Variants in GRAMD2B observed in about 807,000 individuals in gnomAD.
GRAMD2B encodes the protein GRAM domain containing 2B.
Under a neutral mutation model 59.2 loss-of-function variants are expected in GRAMD2B, and 41 were observed. That is an observed-to-expected ratio of 0.69 (90% CI 0.54 to 0.90). The LOEUF (loss-of-function observed/expected upper bound fraction) is 0.90, where lower values mean the gene tolerates loss of function less well. Ranked by LOEUF, GRAMD2B falls within the 40% of genes least tolerant of loss-of-function variation. GRAMD2B has a pLI of 0.00. For missense variants in GRAMD2B, 424 were observed against 500.5 expected (o/e 0.85, Z 1.46); for synonymous variants, 161 against 182.7 (o/e 0.88, Z 0.96).
At chr5:126,376,664 A>G (rs1472209106) in intron 1 of GRAMD2B, among the ~76,000 whole-genome samples, 1 of 152,164 alleles carries the variant, frequency 6.6e-6, no homozygotes, top group Non-Finnish European at 1.5e-5. Context: ...CAAGACTGCT[A>G]TGTAGAGGCT....
chr5:126,481,015 G>A, intron 8 of GRAMD2B: 4 of 365,826 alleles, frequency 1.1e-5, no homozygotes, highest in Non-Finnish European at 5.0e-6. Flanking sequence ...TGGCTTAGAG[G>A]GATTCACAAA....
At chr5:126,448,902 A>G (rs1230659181) in intron 1 of GRAMD2B, among the ~76,000 whole-genome samples, 1 of 152,218 alleles carries the variant, frequency 6.6e-6, no homozygotes, top group Non-Finnish European at 1.5e-5. Context: ...ACACCTGTCT[A>G]ACACACCTGT....
At chr5:126,381,280 T>A (rs1431508983) in intron 1 of GRAMD2B, among the ~76,000 whole-genome samples, 3 of 152,200 alleles carry the variant, frequency 2.0e-5, no homozygotes, top group Non-Finnish European at 4.4e-5. Flanking sequence ...ATCTTTTTGA[T>A]ATACTATTGG....
At chr5:126,416,938 T>G (rs969610034) in intron 1 of GRAMD2B, among the ~76,000 whole-genome samples, 5 of 152,256 alleles carry the variant, frequency 3.3e-5, no homozygotes, top group Admixed American at 6.5e-5. Context: ...ATGTACTGAC[T>G]TGTTAAATTC....
At chr5:126,373,904 A>AG (rs1161412188) in intron 1 of GRAMD2B, among the ~76,000 whole-genome samples, 2 of 152,190 alleles carry the variant, frequency 1.3e-5, no homozygotes, top group Non-Finnish European at 2.9e-5. Context: ...ACAGATGATA[A>AG]GGGGGGTTAG....
chr5:126,399,243 C>T (rs1757621468), intron 1 of GRAMD2B, among the ~76,000 whole-genome samples: 1 of 152,066 alleles, frequency 6.6e-6, no homozygotes, highest in African/African-American at 2.4e-5. Flanking sequence ...GTCTTTAGAT[C>T]TGTCAATATT....
chr5:126,462,446 AG>A (rs1767551113), intron 1 of GRAMD2B: 2 of 985,234 alleles, frequency 2.0e-6, no homozygotes, highest in Non-Finnish European at 2.4e-6. Context: ...CTCCAAGGTA[AG>A]GGACGCTTGC....
chr5:126,395,688 G>A (rs1321862635), intron 1 of GRAMD2B, among the ~76,000 whole-genome samples: 1 of 152,052 alleles, frequency 6.6e-6, no homozygotes, highest in Non-Finnish European at 1.5e-5. Context: ...AAGAACAAAC[G>A]TCGGGGACTG....
chr5:126,443,978 GGAGGCA>G (rs1763747111), intron 1 of GRAMD2B, among the ~76,000 whole-genome samples: 1 of 152,054 alleles, frequency 6.6e-6, no homozygotes, highest in Non-Finnish European at 1.5e-5. Flanking sequence ...CTTGAACCCA[GGAGGCA>G]GAGGTTGCAG....
At chr5:126,396,631 A>G (rs1757383513) in intron 1 of GRAMD2B, among the ~76,000 whole-genome samples, 1 of 152,204 alleles carries the variant, frequency 6.6e-6, no homozygotes, top group Admixed American at 6.5e-5. Context: ...TAGTGCTGCA[A>G]TGAACATACA....
In GRAMD2B at chr5:126,491,736, C is replaced by T. The variant is rs558387736; in HGVS notation, c.1258-1179C>T. ...GCTCTGAATTCTTTTTTTTTTCCTT[C>T]TTTGTTTTTTTTCCCAAGACAGAGT... On this transcript the variant is annotated intron_variant, in intron 13 of 13. Transcript: ENST00000285689. 1.3e-3 allele frequency among the ~76,000 whole-genome samples: 199 copies of T among 150,640 alleles called. 1 individual carries two copies. In the Middle Eastern group the frequency reaches 0.014, roughly 10 times the overall value.
chr5:126,384,885 T>G (rs915032146), intron 1 of GRAMD2B, among the ~76,000 whole-genome samples: 2 of 152,252 alleles, frequency 1.3e-5, no homozygotes, highest in African/African-American at 4.8e-5. Context: ...GCCTTTTATT[T>G]ATCTTCGGTA....
At chr5:126,399,182 GT>G (rs1757616299) in intron 1 of GRAMD2B, among the ~76,000 whole-genome samples, 1 of 152,158 alleles carries the variant, frequency 6.6e-6, no homozygotes, top group Non-Finnish European at 1.5e-5. Flanking sequence ...ATCCATTAGT[GT>G]AAGTGGGGTA....
chr5:126,387,473 C>G (rs529329797), intron 1 of GRAMD2B, among the ~76,000 whole-genome samples: 1 of 151,660 alleles, frequency 6.6e-6, no homozygotes, highest in Admixed American at 6.6e-5. Context: ...AATAAAGACA[C>G]TAAGAGAAGA....
At chr5:126,364,677 C>T (rs764563089) in intron 1 of GRAMD2B, among the ~76,000 whole-genome samples, 20 of 152,204 alleles carry the variant, frequency 1.3e-4, no homozygotes, top group Non-Finnish European at 2.5e-4. Context: ...TGACCTATCC[C>T]CACTAGTGAT....
intron 1 of GRAMD2B, among the ~76,000 whole-genome samples, chr5:126,405,850 T>C (rs895933691): frequency 1.3e-4 from 20 of 151,962 alleles, no homozygotes; most frequent in African/African-American, 4.3e-4. Context: ...ATACCATTCA[T>C]AAACCATGAC....
At chr5:126,424,350 CT>C (rs148770554) in intron 1 of GRAMD2B, among the ~76,000 whole-genome samples, 2,173 of 152,256 alleles carry the variant, frequency 0.014, 36 homozygotes, top group Admixed American at 0.054. Context: ...TTTTCTAAGC[CT>C]ACTGAAGTCA....
chr5:126,399,634 G>A (rs1469885674), intron 1 of GRAMD2B, among the ~76,000 whole-genome samples: 1 of 152,092 alleles, frequency 6.6e-6, no homozygotes, highest in Non-Finnish European at 1.5e-5. Flanking sequence ...AAATTATCCA[G>A]TCTCAGGCAG....
rs184020408 is a variant in GRAMD2B at position 126,398,337 on chromosome 5, T to C, written c.125+26770T>C. The stretch of plus-strand genomic sequence containing the variant: ...GCTAGTGGTCTGCTCAGGTTTTCTG[T>C]ATCTTCATGATTCAGTTTTGGTAGG... On this transcript the variant is annotated intron_variant, in intron 1 of 8. Coordinates refer to the GRAMD2B transcript ENST00000506445. Among the ~76,000 whole-genome samples the C allele has an allele frequency of 2.4e-4, 37 of 152,268 alleles. No individual in the cohort carries two copies. In the East Asian group the frequency reaches 5.8e-3, roughly 24 times the overall value.
Sources: allele counts gnomAD v4.1 joint callset (sites outside exome capture counted in the v4.1 genomes callset), GRCh38; gene constraint gnomAD v4.1.1; transcripts MANE v1.5; gene names NCBI Gene and HGNC (gene_info 2026-07-23, HGNC 2026-07-21).